PLCB1: variants seen among roughly 807,000 people sequenced by gnomAD.
PLCB1 encodes the protein 1-phosphatidylinositol 4,5-bisphosphate phosphodiesterase beta-1.
In PLCB1, 46 loss-of-function variants were observed where a neutral mutation model predicts 161.8. That is an observed-to-expected ratio of 0.28 (90% confidence interval 0.22 to 0.36). The LOEUF is 0.36. Ranked by LOEUF, PLCB1 falls within the 10% of genes least tolerant of loss-of-function variation. PLCB1 has a pLI of 1.00. For missense variants in PLCB1, 1,016 were observed against 1,472.5 expected (o/e 0.69, Z 5.07); for synonymous variants, 517 against 503.7 (o/e 1.03, Z -0.35).
At chr20:8,625,299 A>G (rs1988303602) in intron 3 of PLCB1, 1 of 152,200 alleles carries the variant, frequency 6.6e-6, no homozygotes, top group Non-Finnish European at 1.5e-5. Context: ...AAAACAACTG[A>G]GGACAACTTG....
chr20:8,729,612 C>T (rs925948010), intron 18 of PLCB1: 1 of 152,636 alleles, frequency 6.6e-6, no homozygotes, highest in Admixed American at 6.6e-5. Flanking sequence ...AAAATAAATA[C>T]ATATATATTC....
chr20:8,627,376 C>A (rs1988384401), intron 3 of PLCB1, among the ~76,000 whole-genome samples: 1 of 143,804 alleles, frequency 7.0e-6, no homozygotes, highest in Admixed American at 7.4e-5. Context: ...ATATCAAAAC[C>A]TCCAAAAAGA....
At chr20:8,557,348 T>C (rs927449893) in intron 3 of PLCB1, among the ~76,000 whole-genome samples, 6 of 152,034 alleles carry the variant, frequency 3.9e-5, no homozygotes, top group Admixed American at 3.3e-4. Flanking sequence ...ATACTTACAA[T>C]GGAATATGAT....
chr20:8,429,657 A>G (rs1298410298), intron 3 of PLCB1, among the ~76,000 whole-genome samples: 2 of 152,048 alleles, frequency 1.3e-5, no homozygotes, highest in Non-Finnish European at 2.9e-5. Context: ...ACTGAGGAGC[A>G]TGATCAGAAC....
rs935403503 is a variant in PLCB1 at position 8,543,311 on chromosome 20, G to A, written c.247-84983G>A. Among the ~76,000 whole-genome samples the A allele has an allele frequency of 3.4e-4, 51 of 152,140 alleles. 1 individual carries two copies. The highest frequency in any genetic ancestry group is 3.3e-4 in the Admixed American group (5 of 15,274). On this transcript the variant is annotated intron_variant, in intron 3 of 31. Transcript: ENST00000338037. ...GGGCTCTGTGGGTTATTTGAAGGAC[G>A]TGGGCTTTTGCTCTGAGTGGGGTGG...
At chr20:8,803,575 T>C (rs7268014) in intron 31 of PLCB1, among the ~76,000 whole-genome samples, 32,687 of 151,902 alleles carry the variant, frequency 0.22, 3,660 homozygotes, top group Middle Eastern at 0.31. Flanking sequence ...TACCTTGTAA[T>C]GAAGGCCATA....
At chr20:8,603,587 G>A (rs1568526195) in intron 3 of PLCB1, among the ~76,000 whole-genome samples, 1 of 152,312 alleles carries the variant, frequency 6.6e-6, no homozygotes, top group East Asian at 1.9e-4. Context: ...AGCAACATCA[G>A]CATCCCTTGG....
intron 3 of PLCB1, among the ~76,000 whole-genome samples, chr20:8,421,429 G>A (rs1979533808): frequency 6.6e-6 from 1 of 152,138 alleles, no homozygotes; most frequent in African/African-American, 2.4e-5. Flanking sequence ...GTTTAGGATA[G>A]GAAAGAGTCT....
intron 3 of PLCB1, among the ~76,000 whole-genome samples, chr20:8,486,702 A>G (rs551545946): frequency 6.6e-6 from 1 of 150,934 alleles, no homozygotes; most frequent in South Asian, 2.1e-4. Flanking sequence ...TCACCTTGTT[A>G]GCCAGGATGG....
chr20:8,586,424 A>C (rs1325731804), intron 3 of PLCB1, among the ~76,000 whole-genome samples: 1 of 151,538 alleles, frequency 6.6e-6, no homozygotes, highest in Non-Finnish European at 1.5e-5. Flanking sequence ...TTGGCTTTCT[A>C]TCCAGGGACA....
At position 8,654,244 on chromosome 20, in the gene PLCB1, G is replaced by A. The variant is rs548878137; in HGVS notation, c.595-2940G>A. ...TTTTCAAGTTTGCCAGTACTTTGCA[G>A]TTTCTAAAATAAATGGGCCTCATTC... On this transcript the variant is annotated intron_variant, in intron 7 of 31. Transcript: ENST00000338037. 2.6e-5 allele frequency among the ~76,000 whole-genome samples: 4 copies of A among 152,018 alleles called. No homozygotes were observed. In the East Asian group the frequency reaches 7.7e-4, roughly 29 times the overall value.
chr20:8,852,344 C>A (rs1986917806), intron 31 of PLCB1, among the ~76,000 whole-genome samples: 1 of 152,206 alleles, frequency 6.6e-6, no homozygotes, highest in South Asian at 2.1e-4. Flanking sequence ...TCCTCCAGGA[C>A]AGAGTTGAGC....
intron 31 of PLCB1, among the ~76,000 whole-genome samples, chr20:8,791,548 CT>C (rs1983757996): frequency 6.6e-6 from 1 of 152,060 alleles, no homozygotes; most frequent in Non-Finnish European, 1.5e-5. Context: ...ACTTTGTACA[CT>C]GACATAATAG....
chr20:8,183,213 TTC>T (rs2051865972), intron 2 of PLCB1, among the ~76,000 whole-genome samples: 1 of 152,196 alleles, frequency 6.6e-6, no homozygotes, highest in South Asian at 2.1e-4. Flanking sequence ...TCCTTCAGGG[TTC>T]CAGTCCTGGT....
At chr20:8,483,113 C>T (rs1339752395) in intron 3 of PLCB1, among the ~76,000 whole-genome samples, 1 of 152,164 alleles carries the variant, frequency 6.6e-6, no homozygotes, top group African/African-American at 2.4e-5. Flanking sequence ...GAGCACAATT[C>T]TCCAAAACAG....
rs113585392 is a variant in PLCB1, at chr20:8,820,630, A to G, written c.3423+30369A>G. Among the ~76,000 whole-genome samples the G allele has an allele frequency of 4.9e-3, 740 of 152,332 alleles. 5 individuals carry two copies. The highest frequency in any genetic ancestry group is 0.014 in the Middle Eastern group (4 of 294). ...ATAACCAGAAATTCCTCATCAAGGT[A>G]GAAACTCCCTAGAGAAATTGTAGCA... On this transcript the variant is annotated intron_variant, in intron 31 of 31. Coordinates refer to ENST00000338037, the MANE Select transcript of PLCB1 (RefSeq NM_015192.4).
chr20:8,169,739 A>T (rs947286492), intron 2 of PLCB1, among the ~76,000 whole-genome samples: 4 of 152,140 alleles, frequency 2.6e-5, no homozygotes, highest in African/African-American at 9.7e-5. Context: ...GCAGTTTTCG[A>T]TGCCTGAATT....
intron 2 of PLCB1, among the ~76,000 whole-genome samples, chr20:8,171,994 G>A (rs190506784): frequency 6.6e-6 from 1 of 151,754 alleles, no homozygotes; most frequent in East Asian, 1.9e-4. Context: ...ATGTTCTAGT[G>A]CATTTTTTTT....
chr20:8,254,877 T>C (rs1981330634), intron 2 of PLCB1, among the ~76,000 whole-genome samples: 1 of 152,044 alleles, frequency 6.6e-6, no homozygotes, highest in Admixed American at 6.6e-5. Flanking sequence ...TTGAACTTAA[T>C]TGCACAATAT....
Sources: gnomAD v4.1 joint callset for allele counts (sites outside exome capture counted in the v4.1 genomes callset) on GRCh38, gnomAD v4.1.1 for gene constraint, MANE v1.5 for transcripts, NCBI Gene and HGNC (gene_info 2026-07-23, HGNC 2026-07-21) for gene names.